PARP15: variants seen among roughly 807,000 people sequenced by gnomAD.
The protein encoded by PARP15 is protein mono-ADP-ribosyltransferase PARP15.
A neutral mutation model predicts 62.1 loss-of-function variants in PARP15; 50 were observed. The ratio of observed to expected loss-of-function variants is 0.81; its 90% CI spans 0.64 to 1.02. The LOEUF is 1.02. Ranked by LOEUF, PARP15 falls within the 50% of genes least tolerant of loss-of-function variation. PARP15 has a pLI of 0.00. For synonymous variants in PARP15, 309 were observed against 293.1 expected, an observed-to-expected ratio of 1.05 and a Z score of -0.55; for missense variants, 820 against 826.5, an observed-to-expected ratio of 0.99 and a Z score of 0.10.
intron 8 of PARP15, among the ~76,000 whole-genome samples, chr3:122,624,488 T>C (rs1351077786): frequency 1.3e-5 from 2 of 152,192 alleles, no homozygotes; most frequent in Non-Finnish European, 2.9e-5. Flanking sequence ...ATGGAAACTA[T>C]TAGCAAAGAC....
At chr3:122,597,262 G>T (rs764780294) in intron 1 of PARP15, among the ~76,000 whole-genome samples, 11 of 152,088 alleles carry the variant, frequency 7.2e-5, no homozygotes, top group Non-Finnish European at 1.5e-4. Flanking sequence ...CCTCTTAAAG[G>T]CCCCATCTCT....
At chr3:122,579,058 G>A (rs13062585) in intron 1 of PARP15, among the ~76,000 whole-genome samples, 14,449 of 152,176 alleles carry the variant, frequency 0.095, 747 homozygotes, top group Admixed American at 0.14. Context: ...GTGTGTGTAT[G>A]TTAAGAATAG....
intron 8 of PARP15, among the ~76,000 whole-genome samples, chr3:122,625,911 A>G (rs1302388515): frequency 6.6e-6 from 1 of 152,208 alleles, no homozygotes; most frequent in Non-Finnish European, 1.5e-5. Flanking sequence ...CTGCATCCAG[A>G]TCACATGTTC....
chr3:122,625,500 C>A (rs548448281), intron 8 of PARP15, among the ~76,000 whole-genome samples: 4 of 152,178 alleles, frequency 2.6e-5, no homozygotes, highest in Non-Finnish European at 5.9e-5. Flanking sequence ...GTGATCTGCA[C>A]GCCTTGGCCT....
Position 122,626,196 on chromosome 3 carries a change from C to T in PARP15, c.1232-631C>T, listed in dbSNP as rs199905911. Among the ~76,000 whole-genome samples the T allele has an allele frequency of 6.5e-4, 79 of 122,110 alleles. 1 individual carries two copies. The South Asian group carries it at 0.019, about 29-fold the overall frequency. 80.1% of individuals were successfully genotyped at this position (122,110 alleles called of 152,430 possible). A position where few individuals can be genotyped will look rare whatever the true frequency, so the allele number is the denominator to read the frequency against. ...GATTGGTAATGCAGCAGCTGTCACT[C>T]TTTTTTTTTTTTTTTTTTTTGAGAC... is the stretch of plus-strand genomic sequence containing the variant. On this transcript the variant is annotated intron_variant, in intron 8 of 11. Coordinates refer to ENST00000464300, the MANE Select transcript of PARP15 (RefSeq NM_001113523.3).
At position 122,625,708 on chromosome 3, in the gene PARP15, G is replaced by A. The variant is rs554664706; in HGVS notation, c.1232-1119G>A. ...ACACAGAGAGAAGACAGCCATCTAC[G>A]GGTCAACCTTGCTGATACCTTGGCC... On this transcript the variant is annotated intron_variant, in intron 8 of 11. Coordinates refer to ENST00000464300, the MANE Select transcript of PARP15 (RefSeq NM_001113523.3). Among the ~76,000 whole-genome samples, 30 of 152,268 alleles carry A rather than the reference G, an allele frequency of 2.0e-4. No individual in the cohort carries two copies. The East Asian group carries it at 2.7e-3, about 14-fold the overall frequency.
chr3:122,608,003 TAGC>T (rs1935270619), intron 2 of PARP15, among the ~76,000 whole-genome samples: 1 of 152,160 alleles, frequency 6.6e-6, no homozygotes, highest in Admixed American at 6.5e-5. Context: ...AACATTATTT[TAGC>T]AGGTACTTCT....
chr3:122,598,559 G>A (rs938762197), intron 1 of PARP15, among the ~76,000 whole-genome samples: 2 of 152,192 alleles, frequency 1.3e-5, no homozygotes, highest in Admixed American at 6.5e-5. Context: ...GTGGGAGGAA[G>A]AGGGAAAGAG....
chr3:122,625,942 C>G (rs1009569674), intron 8 of PARP15, among the ~76,000 whole-genome samples: 1 of 152,162 alleles, frequency 6.6e-6, no homozygotes, highest in Non-Finnish European at 1.5e-5. Context: ...ACTGCCAATG[C>G]CCATCAGCTA....
rs11927811 is a variant in PARP15 at position 122,629,958 on chromosome 3, C to T, written c.1439-2128C>T. 4.6e-3 allele frequency among the ~76,000 whole-genome samples: 696 copies of T among 152,298 alleles called. 5 individuals are homozygous for T. Among genetic ancestry groups the T allele is most frequent in the African/African-American group, 0.016 (655 of 41,556 alleles). On this transcript the variant is annotated intron_variant, in intron 9 of 11. Transcript: ENST00000464300. The stretch of plus-strand genomic sequence containing the variant: ...ATAAATACAAATGAAGCTTTGTTCT[C>T]TTGCCTGCCGCTCACCTCCTGCTGG...
intron 4 of PARP15, among the ~76,000 whole-genome samples, chr3:122,613,634 A>G (rs1935732184): frequency 6.6e-6 from 1 of 152,148 alleles, no homozygotes; most frequent in Non-Finnish European, 1.5e-5. Flanking sequence ...AGCATAGACC[A>G]GTCTACACAA....
chr3:122,609,730 A>G lies in PARP15; in HGVS notation c.307-764A>G, dbSNP rs1216329289. 4.0e-5 allele frequency among the ~76,000 whole-genome samples: 6 copies of G among 151,380 alleles called. No individual in the cohort carries two copies. In the East Asian group the frequency reaches 1.2e-3, roughly 29 times the overall value. On this transcript the variant is annotated intron_variant, in intron 2 of 11. Transcript: ENST00000464300. Reference sequence around the variant, plus strand: ...AAAAATTAAAAAAAAAAAAGGCCACACGATGAGAGTGTTTGTCTCCTCTTA... The same window carrying G: ...AAAAATTAAAAAAAAAAAAGGCCACGCGATGAGAGTGTTTGTCTCCTCTTA...
intron 1 of PARP15, among the ~76,000 whole-genome samples, chr3:122,596,902 A>G (rs967474468): frequency 2.6e-5 from 4 of 152,252 alleles, no homozygotes; most frequent in Non-Finnish European, 4.4e-5. Context: ...ACATAGCTTC[A>G]ATGAAAACCA....
chr3:122,608,674 C>A (rs566038181), intron 2 of PARP15, among the ~76,000 whole-genome samples: 8 of 152,158 alleles, frequency 5.3e-5, no homozygotes, highest in African/African-American at 1.9e-4. Flanking sequence ...TAAATGATTT[C>A]CTATCTTTTT....
intron 1 of PARP15, among the ~76,000 whole-genome samples, chr3:122,602,958 G>A (rs1934910467): frequency 6.6e-6 from 1 of 152,208 alleles, no homozygotes; most frequent in Admixed American, 6.5e-5. Flanking sequence ...ATGAGTGTCA[G>A]CATTTATGTG....
rs1014378889 is a variant in PARP15, at chr3:122,632,628, G to A, written c.1572+409G>A. ...TGTTTTAAGGCTGGACTCTCCTTGT[G>A]GTTGTTGGATGGCTGCTGGCAGCAA... On this transcript the variant is annotated intron_variant, in intron 10 of 11. Coordinates refer to ENST00000464300, the MANE Select transcript of PARP15 (RefSeq NM_001113523.3). 9.2e-5 allele frequency among the ~76,000 whole-genome samples: 14 copies of A among 152,306 alleles called. 1 individual carries two copies. The highest frequency in any genetic ancestry group is 3.9e-4 in the East Asian group (2 of 5,180).
chr3:122,599,953 T>G lies in PARP15; in HGVS notation c.187-5983T>G, dbSNP rs76784191. Among the ~76,000 whole-genome samples, 15 of 152,318 alleles carry G rather than the reference T, an allele frequency of 9.8e-5. No homozygotes were observed. The East Asian group carries it at 2.7e-3, about 27-fold the overall frequency. The stretch of plus-strand genomic sequence containing the variant: ...TAAGTGAGATAATATTTACAAAATA[T>G]CTGACACATAACAGGTACCCAATAA... On this transcript the variant is annotated intron_variant, in intron 1 of 11. Transcript: ENST00000464300.
chr3:122,619,191 A>T (rs1445107462), intron 6 of PARP15, among the ~76,000 whole-genome samples: 1 of 152,234 alleles, frequency 6.6e-6, no homozygotes, highest in Non-Finnish European at 1.5e-5. Flanking sequence ...GTAACAGATG[A>T]GGAACTTATT....
At chr3:122,582,931 C>A (rs1933077089) in intron 1 of PARP15, among the ~76,000 whole-genome samples, 1 of 132,318 alleles carries the variant, frequency 7.6e-6, no homozygotes, top group Non-Finnish European at 1.6e-5. Flanking sequence ...ACAGTGTTTA[C>A]AGTGTTTTTT....
Sources: allele counts gnomAD v4.1 joint callset (sites outside exome capture counted in the v4.1 genomes callset), GRCh38; gene constraint gnomAD v4.1.1; transcripts MANE v1.5; gene names NCBI Gene and HGNC (gene_info 2026-07-23, HGNC 2026-07-21).